The following CADM1 variants were observed in gnomAD, a reference collection of about 807,000 sequenced individuals.
CADM1 encodes cell adhesion molecule 1.
CADM1 carries 15 observed loss-of-function variants against 53.1 expected under a neutral mutation model. That is an observed-to-expected ratio of 0.28 (90% CI 0.19 to 0.44). The LOEUF (loss-of-function observed/expected upper bound fraction) is 0.44. Ranked by LOEUF, CADM1 falls within the 20% of genes least tolerant of loss-of-function variation. The probability of loss-of-function intolerance (pLI) is 1.00; values close to 1 mark genes in which losing one functional copy is unlikely to be tolerated. For synonymous variants in CADM1, 281 were observed against 243.0 expected (o/e 1.16, Z -1.45); for missense variants, 434 against 611.3 (o/e 0.71, Z 3.06).
chr11:115,211,858 A>C lies in CADM1; in HGVS notation c.995-2201T>G, dbSNP rs143744358. On this transcript the variant is annotated intron_variant, in intron 7 of 11. Transcript: ENST00000331581. ...TGTGTGATGTCCACAATACAATAAG[A>C]GTAGATCTGAAGGTGATTTGAAAAT... is the stretch of plus-strand genomic sequence containing the variant. Among the ~76,000 whole-genome samples the C allele has an allele frequency of 5.1e-3, 783 of 152,084 alleles. 9 individuals carry two copies. Among genetic ancestry groups the C allele is most frequent in the African/African-American group, 0.018 (753 of 41,472 alleles).
chr11:115,191,371 GTTCA>G (rs1243828016), intron 9 of CADM1, among the ~76,000 whole-genome samples: 3 of 152,154 alleles, frequency 2.0e-5, no homozygotes, highest in African/African-American at 4.8e-5. Context: ...GACAAACACA[GTTCA>G]TTATCAATTT....
chr11:115,290,281 C>T (rs545713243), intron 1 of CADM1, among the ~76,000 whole-genome samples: 9 of 152,126 alleles, frequency 5.9e-5, no homozygotes, highest in African/African-American at 1.2e-4. Flanking sequence ...CTATACAACA[C>T]GCTACTGGGT....
intron 1 of CADM1, among the ~76,000 whole-genome samples, chr11:115,306,651 G>A (rs147476796): frequency 3.5e-3 from 536 of 151,970 alleles, no homozygotes; most frequent in African/African-American, 0.012. Flanking sequence ...TTAACAAGTA[G>A]GATTGTGTAG....
chr11:115,311,099 A>G (rs887998650), intron 1 of CADM1, among the ~76,000 whole-genome samples: 1 of 152,202 alleles, frequency 6.6e-6, no homozygotes. Flanking sequence ...CCTGTTTTCC[A>G]TGACTGTAGA....
chr11:115,175,519 G>C lies in CADM1; in HGVS notation c.*955C>G, dbSNP rs941003920. The C allele has an allele frequency of 4.1e-6, 4 of 985,430 alleles. No individual in the cohort carries two copies. In the African/African-American group the frequency reaches 7.0e-5, roughly 17 times the overall value. The allele number at this position is 985,430 out of a possible 1,614,324, so 61.0% of individuals were successfully genotyped here. On this transcript the variant is annotated 3_prime_UTR_variant, in exon 12 of 12. Transcript: ENST00000331581. ...GAACAGAAACAACCAGAGCAGAACT[G>C]TATTTCCCCCCTCCCTACTTCCCCT...
intron 1 of CADM1, among the ~76,000 whole-genome samples, chr11:115,442,838 C>G (rs1948352007): frequency 6.6e-6 from 1 of 152,144 alleles, no homozygotes; most frequent in Non-Finnish European, 1.5e-5. Context: ...AGTCCACCAC[C>G]CCTGAGGACA....
intron 1 of CADM1, among the ~76,000 whole-genome samples, chr11:115,408,156 T>C (rs1417167978): frequency 2.6e-5 from 4 of 152,062 alleles, no homozygotes; most frequent in African/African-American, 9.7e-5. Context: ...AATGTTGGTA[T>C]TGGCAACAGC....
intron 1 of CADM1, among the ~76,000 whole-genome samples, chr11:115,345,218 C>T (rs1022779843): frequency 3.9e-5 from 6 of 152,144 alleles, no homozygotes; most frequent in Admixed American, 1.3e-4. Flanking sequence ...AGACTCTTAA[C>T]CAGCACTGGT....
At chr11:115,310,891 G>A (rs576811002) in intron 1 of CADM1, among the ~76,000 whole-genome samples, 1 of 152,322 alleles carries the variant, frequency 6.6e-6, no homozygotes, top group East Asian at 1.9e-4. Context: ...AGTAATATTT[G>A]TGGGTAACAT....
chr11:115,436,055 C>T (rs1948176120), intron 1 of CADM1, among the ~76,000 whole-genome samples: 1 of 152,194 alleles, frequency 6.6e-6, no homozygotes, highest in African/African-American at 2.4e-5. Flanking sequence ...CACTAACCTA[C>T]GCCATGGTGA....
intron 1 of CADM1, among the ~76,000 whole-genome samples, chr11:115,391,928 A>G (rs958684831): frequency 6.6e-6 from 1 of 152,188 alleles, no homozygotes; most frequent in African/African-American, 2.4e-5. Context: ...TAAAAAGGAG[A>G]TCACCCACAG....
intron 10 of CADM1, 55 bp from the exon 11 acceptor site, chr11:115,178,830 GC>G: frequency 6.2e-7 from 1 of 1,600,424 alleles, no homozygotes. Context: ...GGCACCAGAA[GC>G]CCCGGCGACA....
chr11:115,252,636 T>G (rs1565325932), intron 1 of CADM1, among the ~76,000 whole-genome samples: 2 of 152,184 alleles, frequency 1.3e-5, no homozygotes, highest in South Asian at 2.1e-4. Context: ...TTTCCTCCCT[T>G]TCTGTATAAG....
chr11:115,449,491 G>T (rs1202081497), intron 1 of CADM1, among the ~76,000 whole-genome samples: 1 of 152,048 alleles, frequency 6.6e-6, no homozygotes, highest in Non-Finnish European at 1.5e-5. Flanking sequence ...TGCACTTAAG[G>T]TCAGTCCTGT....
chr11:115,212,310 T>C (rs547585835), intron 7 of CADM1, among the ~76,000 whole-genome samples: 1 of 152,324 alleles, frequency 6.6e-6, no homozygotes, highest in African/African-American at 2.4e-5. Context: ...ATGGTAGTAA[T>C]ACAACAAATC....
intron 1 of CADM1, among the ~76,000 whole-genome samples, chr11:115,434,804 G>C (rs1948141481): frequency 6.6e-6 from 1 of 151,100 alleles, no homozygotes; most frequent in Non-Finnish European, 1.5e-5. Context: ...TTCCTGGAGA[G>C]TTGAATTCTG....
intron 1 of CADM1, among the ~76,000 whole-genome samples, chr11:115,266,129 G>T (rs1374799426): frequency 1.3e-5 from 2 of 152,184 alleles, no homozygotes; most frequent in Non-Finnish European, 2.9e-5. Context: ...AGCCTTACCC[G>T]CCAGCATTCA....
chr11:115,296,012 G>A (rs531958901), intron 1 of CADM1, among the ~76,000 whole-genome samples: 1 of 152,256 alleles, frequency 6.6e-6, no homozygotes, highest in East Asian at 1.9e-4. Context: ...GTGCAGTGGT[G>A]CAACCATAGT....
chr11:115,462,897 G>A (rs1948826166), intron 1 of CADM1, among the ~76,000 whole-genome samples: 1 of 152,132 alleles, frequency 6.6e-6, no homozygotes, highest in Non-Finnish European at 1.5e-5. Context: ...AGAAAGGGGA[G>A]AAAGAAGGAA....
Sources: allele counts gnomAD v4.1 joint callset (sites outside exome capture counted in the v4.1 genomes callset), GRCh38; gene constraint gnomAD v4.1.1; transcripts MANE v1.5; gene names NCBI Gene and HGNC (gene_info 2026-07-23, HGNC 2026-07-21).